Variants in KAZN observed in about 807,000 individuals in gnomAD.
The protein encoded by KAZN is kazrin.
In KAZN, 40 loss-of-function variants were observed where a neutral mutation model predicts 87.4. The ratio of observed to expected loss-of-function variants is 0.46; its 90% CI spans 0.36 to 0.60. The LOEUF is 0.60. Among genes scored for constraint, KAZN ranks in the 20% least tolerant of loss-of-function variants. KAZN has a pLI of 0.00. For missense variants in KAZN, 898 were observed against 1,073.9 expected, an observed-to-expected ratio of 0.84 and a Z score of 2.29; for synonymous variants, 466 against 458.3, an observed-to-expected ratio of 1.02 and a Z score of -0.22.
intron 1 of KAZN, among the ~76,000 whole-genome samples, chr1:14,629,088 C>A (rs1353760708): frequency 6.6e-6 from 1 of 152,104 alleles, no homozygotes; most frequent in Non-Finnish European, 1.5e-5. Flanking sequence ...CTCAGGCGAT[C>A]CGCCTGTCTT....
chr1:14,700,385 C>T lies in KAZN; in HGVS notation c.226+101162C>T, dbSNP rs567772836. On this transcript the variant is annotated intron_variant, in intron 1 of 14. Coordinates refer to ENST00000376030, the MANE Select transcript of KAZN (RefSeq NM_201628.3). ...TACTCAGGAGACTGAGGAGGAGAAT[C>T]GCTTGAACCCGGGAGGTGGAGGTTG... Among the ~76,000 whole-genome samples the T allele has an allele frequency of 2.6e-5, 4 of 151,966 alleles. No individual in the cohort carries two copies. In the East Asian group the frequency reaches 5.8e-4, roughly 22 times the overall value.
intron 1 of KAZN, among the ~76,000 whole-genome samples, chr1:13,933,668 T>A (rs1640616491): frequency 6.6e-6 from 1 of 152,246 alleles, no homozygotes; most frequent in African/African-American, 2.4e-5. Context: ...GACAGGCTAA[T>A]ATTTGCTGAA....
chr1:14,926,456 C>A (rs538896351), intron 1 of KAZN, among the ~76,000 whole-genome samples: 1 of 152,158 alleles, frequency 6.6e-6, no homozygotes. Flanking sequence ...TAAAAGACAG[C>A]ACATTGGAAA....
intron 2 of KAZN, among the ~76,000 whole-genome samples, chr1:14,419,482 C>T (rs1665173045): frequency 6.6e-6 from 1 of 152,226 alleles, no homozygotes; most frequent in African/African-American, 2.4e-5. Context: ...CTCGCCTCTT[C>T]CCTGGACTTA....
At chr1:14,825,238 A>G (rs927050603) in intron 1 of KAZN, among the ~76,000 whole-genome samples, 4 of 152,162 alleles carry the variant, frequency 2.6e-5, no homozygotes, top group African/African-American at 9.7e-5. Context: ...GTGTTTTATG[A>G]TGCTCAGAGA....
At chr1:14,405,803 G>A (rs1663803870) in intron 2 of KAZN, among the ~76,000 whole-genome samples, 2 of 152,094 alleles carry the variant, frequency 1.3e-5, no homozygotes, top group Admixed American at 6.5e-5. Context: ...TCAAGACCCA[G>A]GAAGGGCTGA....
chr1:14,419,304 G>A (rs1030014044), intron 2 of KAZN, among the ~76,000 whole-genome samples: 5 of 152,084 alleles, frequency 3.3e-5, no homozygotes, highest in African/African-American at 1.2e-4. Context: ...AAGAAAGAAA[G>A]GCCGGGTCTG....
intron 1 of KAZN, among the ~76,000 whole-genome samples, chr1:14,871,679 T>TGTGTGTGC (rs1465626945): frequency 6.6e-6 from 1 of 151,720 alleles, no homozygotes; most frequent in East Asian, 1.9e-4. Context: ...TGTGTGTGTG[T>TGTGTGTGC]GTGCACCTGC....
At chr1:13,960,294 GA>G (rs1456305816) in intron 1 of KAZN, among the ~76,000 whole-genome samples, 2 of 152,214 alleles carry the variant, frequency 1.3e-5, no homozygotes, top group Non-Finnish European at 1.5e-5. Flanking sequence ...AGGGGAAACT[GA>G]GGCAGAGAGC....
At chr1:14,553,244 G>C (rs1270769892) in intron 2 of KAZN, among the ~76,000 whole-genome samples, 1 of 152,154 alleles carries the variant, frequency 6.6e-6, no homozygotes, top group African/African-American at 2.4e-5. Context: ...AGCCATGGTA[G>C]TGCACACTTG....
upstream of KAZN, among the ~76,000 whole-genome samples, chr1:14,596,904 C>G (rs1354411283): frequency 6.6e-6 from 1 of 152,210 alleles, no homozygotes; most frequent in Non-Finnish European, 1.5e-5. Context: ...TATGAACATT[C>G]ATGTACAAAT....
chr1:14,864,985 A>G lies in KAZN; in HGVS notation c.227-95699A>G, dbSNP rs1651288818. On this transcript the variant is annotated intron_variant, in intron 1 of 14. Coordinates refer to ENST00000376030, the MANE Select transcript of KAZN (RefSeq NM_201628.3). ...CATTAGTGTTACCCAGCACCATGCTAGACCCACCAAAACATTGCTTGTTGG... is the reference window on the plus strand; with the variant it reads ...CATTAGTGTTACCCAGCACCATGCTGGACCCACCAAAACATTGCTTGTTGG... Among the ~76,000 whole-genome samples, 3 of 152,326 alleles carry G rather than the reference A, an allele frequency of 2.0e-5. 1 individual carries two copies. In the South Asian group the frequency reaches 6.2e-4, roughly 32 times the overall value.
chr1:15,050,793 C>T (rs1042337600), intron 4 of KAZN, among the ~76,000 whole-genome samples: 4 of 148,510 alleles, frequency 2.7e-5, no homozygotes, highest in African/African-American at 1.0e-4. Context: ...CCTGTCGTTG[C>T]CCCCACAGGA....
intron 2 of KAZN, among the ~76,000 whole-genome samples, chr1:14,451,265 C>G (rs1458316956): frequency 6.6e-6 from 1 of 152,134 alleles, no homozygotes; most frequent in Non-Finnish European, 1.5e-5. Context: ...AAACCCAGCC[C>G]CCTCAGAGAC....
At chr1:13,942,161 C>T (rs1188416453) in intron 1 of KAZN, among the ~76,000 whole-genome samples, 1 of 152,122 alleles carries the variant, frequency 6.6e-6, no homozygotes. Context: ...TAAAGCCCAG[C>T]TTCAAATCCC....
At chr1:14,879,689 G>A (rs546521087) in intron 1 of KAZN, among the ~76,000 whole-genome samples, 2 of 152,278 alleles carry the variant, frequency 1.3e-5, no homozygotes, top group South Asian at 2.1e-4. Flanking sequence ...CCCTAGTGGA[G>A]ACCAACTGGG....
intron 2 of KAZN, among the ~76,000 whole-genome samples, chr1:14,364,011 TAATGTTTCTTAC>T (rs1455057290): frequency 3.3e-5 from 5 of 150,896 alleles, no homozygotes; most frequent in Admixed American, 6.6e-5. Flanking sequence ...ATATAGCAGG[TAATGTTTCTTAC>T]AATGTTTCTT....
At chr1:14,521,092 A>G (rs1245477377) in intron 2 of KAZN, among the ~76,000 whole-genome samples, 1 of 152,182 alleles carries the variant, frequency 6.6e-6, no homozygotes, top group African/African-American at 2.4e-5. Flanking sequence ...GCTTATGAGT[A>G]ATGGATGTCC....
intron 2 of KAZN, among the ~76,000 whole-genome samples, chr1:14,196,301 T>C (rs549076748): frequency 5.7e-4 from 87 of 152,248 alleles, no homozygotes; most frequent in Non-Finnish European, 1.0e-3. Flanking sequence ...AGGAATGATA[T>C]AATTGGATTA....
Sources: allele counts gnomAD v4.1 joint callset (sites outside exome capture counted in the v4.1 genomes callset), GRCh38; gene constraint gnomAD v4.1.1; transcripts MANE v1.5; gene names NCBI Gene and HGNC (gene_info 2026-07-23, HGNC 2026-07-21).